The following AREL1 variants were observed in gnomAD, a reference collection of about 807,000 sequenced individuals.
The protein encoded by AREL1 is apoptosis resistant E3 ubiquitin protein ligase 1.
Under a neutral mutation model 99.0 loss-of-function variants are expected in AREL1, and 62 were observed. The ratio of observed to expected loss-of-function variants is 0.63; its 90% confidence interval spans 0.51 to 0.77. AREL1 has a LOEUF of 0.77. AREL1 is among the 30% of genes least tolerant of loss of function. AREL1 has a pLI of 0.00. For missense variants in AREL1, 879 were observed against 1,027.6 expected (o/e 0.86, Z 1.98); for synonymous variants, 380 against 376.5 (o/e 1.01, Z -0.11).
Position 74,684,529 on chromosome 14 carries a change from A to T in AREL1, c.168T>A (p.Asp56Glu), listed in dbSNP as rs771216600. The stretch of plus-strand genomic sequence containing the variant: ...CCCAGGAGACTTTGCAAGACCGGGG[A>T]TCCAGGTAATTTCCCCGCACGTAGT... ...IYDYVRGNYLDPRSCKVSWDW... is the reference protein window; with the variant it reads ...IYDYVRGNYLEPRSCKVSWDW... The change falls in exon 4 of 20, where the codon GAT (aspartate) becomes GAA (glutamate). Residue 56 changes from aspartate (D) to glutamate (E), a missense_variant. Transcript: ENST00000356357. 2 of 1,614,106 alleles carry T rather than the reference A, an allele frequency of 1.2e-6. No individual in the cohort carries two copies. The highest frequency in any genetic ancestry group is 1.7e-6 in the Non-Finnish European group (2 of 1,180,018).
intron 5 of AREL1, among the ~76,000 whole-genome samples, chr14:74,680,433 T>C (rs1275951775): frequency 6.6e-6 from 1 of 152,114 alleles, no homozygotes; most frequent in Non-Finnish European, 1.5e-5. Context: ...GTGAAGAAAC[T>C]GGATTATTCA....
At chr14:74,699,214 C>T (rs1025872898) in intron 1 of AREL1, among the ~76,000 whole-genome samples, 7 of 152,138 alleles carry the variant, frequency 4.6e-5, no homozygotes, top group African/African-American at 1.4e-4. Context: ...TCCTGGCAGG[C>T]ACCAATGTGT....
rs775405989 is a variant in AREL1 at position 74,685,655 on chromosome 14, C to T, written c.-40G>A. The stretch of plus-strand genomic sequence containing the variant: ...GCCAACAGACAGCCGAGGATCACAG[C>T]TGCAGCTGTTAAAAGAAAACTTGTT... On this transcript the variant is annotated 5_prime_UTR_variant, in exon 3 of 20. Transcript: ENST00000356357. The T allele has an allele frequency of 1.2e-6, 2 of 1,613,538 alleles. No homozygotes were observed. The highest frequency in any genetic ancestry group is 1.7e-5 in the Admixed American group (1 of 59,856).
At chr14:74,672,740 C>A (rs2139877699) in intron 11 of AREL1, 91 bp downstream of exon 11, 1 of 1,545,342 alleles carries the variant, frequency 6.5e-7, no homozygotes, top group Non-Finnish European at 8.8e-7. Context: ...ATCTCCCAAA[C>A]AAAAACAAAA....
At chr14:74,707,130 G>A (rs1213442791) in intron 1 of AREL1, among the ~76,000 whole-genome samples, 3 of 152,174 alleles carry the variant, frequency 2.0e-5, no homozygotes, top group Non-Finnish European at 2.9e-5. Context: ...CACTTTGGGA[G>A]GCCGAGGCGG....
Position 74,675,897 on chromosome 14 carries a change from G to A in AREL1, c.882C>T (p.Ser294=), listed in dbSNP as rs1195659728. 1.2e-6 allele frequency: 2 copies of A among 1,613,392 alleles called. No homozygotes were observed. The highest frequency in any genetic ancestry group is 1.7e-5 in the Admixed American group (1 of 59,944). ...TATAAAGATAAGCCTCAAAGTAAAT[G>A]CTCACGCCTGAAGTGGACACATTGC... ...VERNVSTSGV[S]IYFEAYLYNA... The change falls in exon 8 of 20, where the codon AGC becomes AGT. Residue 294 remains serine (S), a synonymous_variant. Coordinates refer to ENST00000356357, the MANE Select transcript of AREL1 (RefSeq NM_001039479.2).
At chr14:74,712,474 C>T (rs1212913813) in intron 1 of AREL1, among the ~76,000 whole-genome samples, 1 of 152,126 alleles carries the variant, frequency 6.6e-6, no homozygotes, top group African/African-American at 2.4e-5. Context: ...AAAAAGCTAC[C>T]TTTCGCTCCT....
At chr14:74,702,005 T>C (rs1189392857) in intron 1 of AREL1, among the ~76,000 whole-genome samples, 1 of 152,222 alleles carries the variant, frequency 6.6e-6, no homozygotes, top group Non-Finnish European at 1.5e-5. Flanking sequence ...TCCCATGGTC[T>C]GGGGCAGCTC....
chr14:74,663,334 G>C lies in AREL1; in HGVS notation c.*386C>G. The C allele has an allele frequency of 3.5e-6, 1 of 289,160 alleles. No homozygotes were observed. The highest frequency in any genetic ancestry group is 6.9e-6 in the Non-Finnish European group (1 of 144,938). 17.9% of individuals were successfully genotyped at this position (289,160 alleles called of 1,614,324 possible). The stretch of plus-strand genomic sequence containing the variant: ...GGGCCAAAGAGGGTGTCTCCAAGGA[G>C]TATCAGCAGAGGGAGTTTTGGAGCA... On this transcript the variant is annotated 3_prime_UTR_variant, in exon 20 of 20. Transcript: ENST00000356357.
At chr14:74,708,210 T>G (rs1406259500) in intron 1 of AREL1, among the ~76,000 whole-genome samples, 1 of 152,194 alleles carries the variant, frequency 6.6e-6, no homozygotes, top group Non-Finnish European at 1.5e-5. Flanking sequence ...CTTTGCAACT[T>G]TTTTATAAAT....
chr14:74,669,987 G>A lies in AREL1; in HGVS notation c.1748C>T (p.Ser583Phe). 1 of 1,613,736 alleles carries A rather than the reference G, an allele frequency of 6.2e-7. No homozygotes were observed. The highest frequency in any genetic ancestry group is 8.5e-7 in the Non-Finnish European group (1 of 1,179,750). The change falls in exon 14 of 20, where the codon TCT becomes TTT. Residue 583 changes from serine (S) to phenylalanine (F), a missense_variant. Transcript: ENST00000356357. ...CAGTCCTATGATTTGGGCCAGGAAA[G>A]AGCGGGTGAAGCGAGCTCGGACCAA... ...KQLVRARFTR[S>F]FLAQIIGLRM...
chr14:74,668,011 G>C (rs1036445116), intron 15 of AREL1, among the ~76,000 whole-genome samples: 2 of 152,160 alleles, frequency 1.3e-5, no homozygotes, highest in African/African-American at 4.8e-5. Flanking sequence ...TTCCAAGATG[G>C]GAACAATTGT....
chr14:74,685,843 T>C (rs1272034814), intron 2 of AREL1, among the ~76,000 whole-genome samples, 183 bp from the exon 3 acceptor site: 1 of 152,236 alleles, frequency 6.6e-6, no homozygotes, highest in Admixed American at 6.5e-5. Context: ...ACAAAGAGAC[T>C]GCATCATTCC....
Position 74,698,597 on chromosome 14 carries a change from C to T in AREL1, c.-333-6269G>A, listed in dbSNP as rs150527989. Among the ~76,000 whole-genome samples, 43 of 152,198 alleles carry T rather than the reference C, an allele frequency of 2.8e-4. 1 individual carries two copies. Among genetic ancestry groups the T allele is most frequent in the African/African-American group, 9.2e-4 (38 of 41,518 alleles). The stretch of plus-strand genomic sequence containing the variant: ...TTTCTTAACCTCAATGAACTTGGTC[C>T]GCCATGGGAGAAGGACAATGCAATG... On this transcript the variant is annotated intron_variant, in intron 1 of 19. Coordinates refer to ENST00000356357, the MANE Select transcript of AREL1 (RefSeq NM_001039479.2).
At chr14:74,696,160 G>T (rs1199654133) in intron 1 of AREL1, among the ~76,000 whole-genome samples, 2 of 152,132 alleles carry the variant, frequency 1.3e-5, no homozygotes, top group Admixed American at 1.3e-4. Context: ...TATTGAAAAA[G>T]TATACCAATT....
Position 74,661,573 on chromosome 14 carries a change from T to A in AREL1, c.*2147A>T. 4.8e-6 allele frequency: 1 copy of A among 209,794 alleles called. No individual in the cohort carries two copies. The highest frequency in any genetic ancestry group is 9.9e-6 in the Non-Finnish European group (1 of 101,222). 13.0% of individuals were successfully genotyped at this position (209,794 alleles called of 1,614,324 possible). On this transcript the variant is annotated 3_prime_UTR_variant, in exon 20 of 20. Coordinates refer to ENST00000356357, the MANE Select transcript of AREL1 (RefSeq NM_001039479.2). Reference sequence around the variant, plus strand: ...CATCTCTTTGACATATTGTACCTTTTCCCCACACTGGCTAGTATGAAAGCA... The same window carrying A: ...CATCTCTTTGACATATTGTACCTTTACCCCACACTGGCTAGTATGAAAGCA...
At position 74,667,533 on chromosome 14, in the gene AREL1, T is replaced by C; in HGVS notation, c.1976A>G (p.Tyr659Cys). The change falls in exon 16 of 20, where the codon TAT becomes TGT. Residue 659 changes from tyrosine (Y) to cysteine (C), a missense_variant. Physicochemically the swap from Tyr to Cys is radical, Grantham distance 194. Coordinates refer to ENST00000356357, the MANE Select transcript of AREL1 (RefSeq NM_001039479.2). ...TPVTNANKIF[Y>C]LNLLAQYRLA... Reference sequence around the variant, plus strand: ...CCGATATTGGGCCAGCAAATTTAAATAGAAGATTTTATTCGCATTGGTGAC... The same window carrying C: ...CCGATATTGGGCCAGCAAATTTAAACAGAAGATTTTATTCGCATTGGTGAC... 6 of 1,613,926 alleles carry C rather than the reference T, an allele frequency of 3.7e-6. No individual in the cohort carries two copies. Among genetic ancestry groups the C allele is most frequent in the Non-Finnish European group, 5.1e-6 (6 of 1,179,908 alleles).
intron 9 of AREL1, among the ~76,000 whole-genome samples, chr14:74,673,691 T>G (rs2089407811): frequency 6.6e-6 from 1 of 151,952 alleles, no homozygotes; most frequent in Non-Finnish European, 1.5e-5. Flanking sequence ...TATATGAGAG[T>G]GGTGCTTCTA....
chr14:74,699,397 A>G, intron 1 of AREL1, among the ~76,000 whole-genome samples: 1 of 143,900 alleles, frequency 6.9e-6, no homozygotes, highest in African/African-American at 2.7e-5. Flanking sequence ...GAGAGAGAGC[A>G]AGAGCAAGAG....
Sources: gnomAD v4.1 joint callset for allele counts (sites outside exome capture counted in the v4.1 genomes callset) on GRCh38, gnomAD v4.1.1 for gene constraint, MANE v1.5 for transcripts, NCBI Gene and HGNC (gene_info 2026-07-23, HGNC 2026-07-21) for gene names.